Variants in LRRC37A2 observed in about 807,000 individuals in gnomAD.
LRRC37A2 encodes the protein leucine rich repeat containing 37 member A2.
LRRC37A2 carries 9 observed loss-of-function variants against 68.8 expected under a neutral mutation model. The observed-to-expected ratio is 0.13, with a 90% CI of 0.08 to 0.23. The LOEUF is 0.23. Among genes scored for constraint, LRRC37A2 ranks in the 10% least tolerant of loss-of-function variants. LRRC37A2 has a pLI of 1.00. For missense variants in LRRC37A2, 168 were observed against 950.4 expected (o/e 0.18, Z 10.82); for synonymous variants, 63 against 367.6 (o/e 0.17, Z 9.48).
the LRRC37A2 span, chr17:46,756,324 G>A: frequency 6.6e-6 from 1 of 152,536 alleles, no homozygotes; most frequent in Non-Finnish European, 1.5e-5. Context: ...TTTGGTTAAA[G>A]GTCTCCCACA....
chr17:46,684,818 A>C, the LRRC37A2 span, among the ~76,000 whole-genome samples: 16 of 125,660 alleles, frequency 1.3e-4, no homozygotes, highest in Admixed American at 4.4e-4. Flanking sequence ...AGGCATGGGC[A>C]AAGACTTCAT....
chr17:46,610,099 TTCTCTC>T, the LRRC37A2 span, among the ~76,000 whole-genome samples: 337 of 89,482 alleles, frequency 3.8e-3, 1 homozygote, highest in African/African-American at 0.013. Flanking sequence ...TTTTCTCTCT[TTCTCTC>T]TCTCTCTCTC....
chr17:46,974,807 C>A, the LRRC37A2 span, among the ~76,000 whole-genome samples: 2 of 152,078 alleles, frequency 1.3e-5, no homozygotes, highest in Non-Finnish European at 2.9e-5. Context: ...AGCTGCGCTA[C>A]CTCAGGCAAC....
chr17:46,810,004 C>CTT, the LRRC37A2 span, among the ~76,000 whole-genome samples: 1,546 of 126,332 alleles, frequency 0.012, 24 homozygotes, highest in African/African-American at 0.038. Flanking sequence ...TTCTTTCTTT[C>CTT]TTTTTTTTTT....
the LRRC37A2 span, among the ~76,000 whole-genome samples, chr17:46,502,935 A>G: frequency 6.6e-6 from 1 of 150,536 alleles, no homozygotes; most frequent in Non-Finnish European, 1.5e-5. Flanking sequence ...CTTCATTGCC[A>G]GGCGTGGTGG....
chr17:46,765,856 T>C, the LRRC37A2 span, among the ~76,000 whole-genome samples: 4 of 152,130 alleles, frequency 2.6e-5, no homozygotes, highest in East Asian at 3.9e-4. Flanking sequence ...CATCCCCAGT[T>C]CACAAATGAA....
chr17:46,820,634 C>T, the LRRC37A2 span, among the ~76,000 whole-genome samples: 1 of 152,114 alleles, frequency 6.6e-6, no homozygotes, highest in Admixed American at 6.5e-5. Context: ...TTCTGATTCA[C>T]CTGGAAAGAG....
At chr17:46,542,737 A>G (rs566816412) in intron 8 of LRRC37A2, among the ~76,000 whole-genome samples, 6 of 150,326 alleles carry the variant, frequency 4.0e-5, no homozygotes, top group Non-Finnish European at 8.8e-5. Context: ...ATATATGTAT[A>G]TGTATGCCTG....
the LRRC37A2 span, among the ~76,000 whole-genome samples, chr17:46,972,826 G>C: frequency 6.6e-6 from 1 of 152,040 alleles, no homozygotes; most frequent in African/African-American, 2.4e-5. Context: ...AGCATCTCGA[G>C]GGCAGAGCCT....
At chr17:46,898,059 T>C in the LRRC37A2 span, among the ~76,000 whole-genome samples, 1 of 152,130 alleles carries the variant, frequency 6.6e-6, no homozygotes, top group Non-Finnish European at 1.5e-5. Context: ...TGTATGAATG[T>C]TCCGGAGACA....
chr17:46,721,841 C>T, the LRRC37A2 span: 26 of 1,589,206 alleles, frequency 1.6e-5, no homozygotes, highest in South Asian at 2.2e-5. Context: ...ATTTTTTGTA[C>T]GGCTTTTTCG....
the LRRC37A2 span, among the ~76,000 whole-genome samples, chr17:47,013,769 G>C: frequency 2.0e-5 from 3 of 152,246 alleles, no homozygotes; most frequent in Non-Finnish European, 4.4e-5. Context: ...GTATGACCCA[G>C]TGAAGAGATT....
the LRRC37A2 span, among the ~76,000 whole-genome samples, chr17:46,869,719 C>T: frequency 6.6e-6 from 1 of 152,206 alleles, no homozygotes; most frequent in Non-Finnish European, 1.5e-5. Context: ...ACAGCTTGGG[C>T]AGGGTGCAGT....
the LRRC37A2 span, among the ~76,000 whole-genome samples, chr17:46,847,055 C>G: frequency 7.0e-4 from 106 of 152,296 alleles, no homozygotes; most frequent in African/African-American, 2.4e-3. Context: ...TAATTTTTTT[C>G]ATTATAAATG....
At chr17:46,954,236 T>A in the LRRC37A2 span, among the ~76,000 whole-genome samples, 1 of 152,354 alleles carries the variant, frequency 6.6e-6, no homozygotes, top group Non-Finnish European at 1.5e-5. Context: ...AGGGATCCAG[T>A]TTCAGCTTTC....
At chr17:46,713,439 C>T in the LRRC37A2 span, 1 of 158,398 alleles carries the variant, frequency 6.3e-6, no homozygotes, top group Non-Finnish European at 1.4e-5. Flanking sequence ...ACATTTGCTT[C>T]TAATAAGGCA....
chr17:46,820,385 A>G, the LRRC37A2 span, among the ~76,000 whole-genome samples: 1 of 151,924 alleles, frequency 6.6e-6, no homozygotes, highest in African/African-American at 2.4e-5. Context: ...AGGAGGAGAG[A>G]GAGAGAGGGG....
At chr17:46,715,318 A>G in the LRRC37A2 span, among the ~76,000 whole-genome samples, 67 of 152,302 alleles carry the variant, frequency 4.4e-4, no homozygotes, top group African/African-American at 1.6e-3. Context: ...TGATTTCCCT[A>G]GAGTAGGTAG....
At chr17:46,840,173 G>A in the LRRC37A2 span, among the ~76,000 whole-genome samples, 2 of 147,826 alleles carry the variant, frequency 1.4e-5, no homozygotes, top group African/African-American at 2.5e-5. Flanking sequence ...TGCAAGCTCC[G>A]CCTCCTGGAT....
Sources: allele counts gnomAD v4.1 joint callset (sites outside exome capture counted in the v4.1 genomes callset), GRCh38; gene constraint gnomAD v4.1.1; transcripts MANE v1.5; gene names NCBI Gene and HGNC (gene_info 2026-07-23, HGNC 2026-07-21).